The following INPP5F variants were observed in gnomAD, a reference collection of about 807,000 sequenced individuals.
INPP5F encodes inositol polyphosphate-5-phosphatase F.
Under a neutral mutation model 137.2 loss-of-function variants are expected in INPP5F, and 97 were observed. That is an observed-to-expected ratio of 0.71 (90% CI 0.60 to 0.84). The LOEUF (loss-of-function observed/expected upper bound fraction) is 0.84. Ranked by LOEUF, INPP5F falls within the 40% of genes least tolerant of loss-of-function variation. The pLI, the probability that INPP5F is intolerant of heterozygous loss-of-function variation, is 0.00. For missense variants in INPP5F, 1,271 were observed against 1,371.9 expected, an observed-to-expected ratio of 0.93 and a Z score of 1.16; for synonymous variants, 504 against 476.9, an observed-to-expected ratio of 1.06 and a Z score of -0.74.
chr10:119,782,467 G>C (rs1849739966), intron 3 of INPP5F, among the ~76,000 whole-genome samples: 1 of 152,170 alleles, frequency 6.6e-6, no homozygotes. Flanking sequence ...TGATGTGCCA[G>C]GTGGGCCCTG....
At chr10:119,811,674 T>C in intron 14 of INPP5F, 83 bp from the exon 15 acceptor site, 1 of 1,088,792 alleles carries the variant, frequency 9.2e-7, no homozygotes, top group African/African-American at 1.6e-5. Context: ...AGCTTTACAG[T>C]TTTAGGTCTT....
rs1460102039 is a variant in INPP5F, at chr10:119,827,794, G to GT, written c.*14_*15insT. ...ATTCAGATTTAGCTTTTAGCCATAA[G>GT]AATCCTTCCATGGCTTTTATTTAAA... On this transcript the variant is annotated 3_prime_UTR_variant, in exon 20 of 20. Coordinates refer to ENST00000650623, the MANE Select transcript of INPP5F (RefSeq NM_014937.4). 6.5e-7 allele frequency: 1 copy of GT among 1,546,026 alleles called. No homozygotes were observed. The highest frequency in any genetic ancestry group is 1.4e-5 in the African/African-American group (1 of 72,528).
chr10:119,794,660 C>T (rs1772474122), intron 6 of INPP5F, among the ~76,000 whole-genome samples: 1 of 149,768 alleles, frequency 6.7e-6, no homozygotes, highest in East Asian at 2.0e-4. Flanking sequence ...TGACCCCCCA[C>T]CTCCCTCCCG....
intron 1 of INPP5F, among the ~76,000 whole-genome samples, chr10:119,740,272 G>GGGGCA (rs1848336079): frequency 6.6e-6 from 1 of 152,120 alleles, no homozygotes; most frequent in African/African-American, 2.4e-5. Context: ...AGCGGGTGTG[G>GGGGCA]GGGCAGGGCA....
intron 19 of INPP5F, 101 bp from the exon 20 acceptor site, chr10:119,826,530 G>T: frequency 1.0e-6 from 1 of 952,860 alleles, no homozygotes; most frequent in Non-Finnish European, 1.6e-6. Context: ...TTTTCAAGAA[G>T]TTGGGACCAA....
Position 119,826,510 on chromosome 10 carries a change from C to T in INPP5F, c.2250-121C>T, listed in dbSNP as rs1285414792. On this transcript the variant is annotated intron_variant, in intron 19 of 19. Transcript: ENST00000650623. ...ACTCTGAGGGTTATCTGTCAGTTAG[C>T]AATGCACTGTTTTCAAGAAGTTGGG... The T allele has an allele frequency of 6.7e-6, 5 of 741,718 alleles. No homozygotes were observed. In the South Asian group the frequency reaches 7.3e-5, roughly 11 times the overall value. 45.9% of individuals were successfully genotyped at this position (741,718 alleles called of 1,614,324 possible). A position where few individuals can be genotyped will look rare whatever the true frequency, so the allele number is the denominator to read the frequency against.
chr10:119,796,044 G>GCTGGGCATCAGAGGGAGAC (rs1337699203), intron 6 of INPP5F, among the ~76,000 whole-genome samples: 3 of 149,254 alleles, frequency 2.0e-5, no homozygotes, highest in African/African-American at 7.4e-5. Context: ...TCCAGCTTCG[G>GCTGGGCATCAGAGGGAGAC]CTGGGCATCA....
chr10:119,790,004 C>G (rs1174072638), intron 3 of INPP5F, among the ~76,000 whole-genome samples: 1 of 132,050 alleles, frequency 7.6e-6, no homozygotes, highest in African/African-American at 2.9e-5. Context: ...ATTGAGCATG[C>G]TTCAGACAGC....
chr10:119,801,840 T>G, intron 9 of INPP5F, among the ~76,000 whole-genome samples: 1 of 152,162 alleles, frequency 6.6e-6, no homozygotes. Flanking sequence ...AATACTAAGG[T>G]GTGCAAGCAG....
intron 1 of INPP5F, among the ~76,000 whole-genome samples, chr10:119,742,167 A>ATTTATTTG (rs1261837974): frequency 2.7e-5 from 4 of 149,470 alleles, no homozygotes; most frequent in Non-Finnish European, 5.9e-5. Context: ...TTATTTATTT[A>ATTTATTTG]TTTTTTGAGA....
intron 1 of INPP5F, among the ~76,000 whole-genome samples, chr10:119,739,565 C>G (rs1392260062): frequency 6.6e-6 from 1 of 152,142 alleles, no homozygotes; most frequent in Non-Finnish European, 1.5e-5. Flanking sequence ...TAGTGGTAAA[C>G]TGTAAATAGC....
intron 6 of INPP5F, 94 bp downstream of exon 6, chr10:119,792,307 AATTAT>A: frequency 2.3e-6 from 2 of 856,320 alleles, no homozygotes; most frequent in Non-Finnish European, 3.7e-6. Flanking sequence ...AATGTTTTTT[AATTAT>A]ATTAAGATAC....
intron 1 of INPP5F, among the ~76,000 whole-genome samples, chr10:119,739,965 G>A (rs577518943): frequency 6.6e-6 from 1 of 152,208 alleles, no homozygotes; most frequent in African/African-American, 2.4e-5. Context: ...TACATTTATT[G>A]TAACTACACA....
chr10:119,767,249 T>TA (rs1485519660), intron 2 of INPP5F, among the ~76,000 whole-genome samples: 4 of 150,568 alleles, frequency 2.7e-5, no homozygotes, highest in African/African-American at 9.8e-5. Context: ...TTTGTCATCA[T>TA]ACATGGGGCT....
chr10:119,756,540 G>A (rs888381759), intron 2 of INPP5F, among the ~76,000 whole-genome samples: 2 of 151,818 alleles, frequency 1.3e-5, no homozygotes, highest in Admixed American at 1.3e-4. Context: ...GGAGGTTGAG[G>A]CAGGATAATC....
chr10:119,805,630 T>G (rs77711985), intron 11 of INPP5F, among the ~76,000 whole-genome samples, 169 bp downstream of exon 11: 399 of 152,290 alleles, frequency 2.6e-3, no homozygotes, highest in African/African-American at 8.9e-3. Flanking sequence ...GCAGGTGGTG[T>G]TAGCTTTGAA....
In INPP5F at chr10:119,818,529, T is replaced by C. The variant is rs920892043; in HGVS notation, c.1887-2317T>C. ...GACGAAGGCGAAGGCGCCAGCGAACTCTCGCGGGAGTGGCCACCCTGGCGC... is the reference window on the plus strand; with the variant it reads ...GACGAAGGCGAAGGCGCCAGCGAACCCTCGCGGGAGTGGCCACCCTGGCGC... On this transcript the variant is annotated intron_variant, in intron 15 of 19. Transcript: ENST00000650623. Among the ~76,000 whole-genome samples the C allele has an allele frequency of 1.8e-4, 28 of 152,324 alleles. 1 individual carries two copies. Among genetic ancestry groups the C allele is most frequent in the Admixed American group, 1.8e-3 (27 of 15,308 alleles).
intron 1 of INPP5F, among the ~76,000 whole-genome samples, chr10:119,729,744 ATT>A (rs34359657): frequency 2.2e-4 from 28 of 128,188 alleles, no homozygotes; most frequent in East Asian, 4.5e-4. Context: ...CACCTGGCTA[ATT>A]TTTTTTTTTT....
Position 119,726,689 on chromosome 10 carries a change from C to T in INPP5F, c.97+330C>T, listed in dbSNP as rs897384229. On this transcript the variant is annotated intron_variant, in intron 1 of 19. Coordinates refer to ENST00000650623, the MANE Select transcript of INPP5F (RefSeq NM_014937.4). ...GGCAGAAAGTTCCAGCAAGGTGCAC[C>T]TGGCCGTAAAGGCCTCTTCCTCCTT... Among the ~76,000 whole-genome samples, 4 of 152,248 alleles carry T rather than the reference C, an allele frequency of 2.6e-5. 1 individual carries two copies. Among genetic ancestry groups the T allele is most frequent in the African/African-American group, 9.6e-5 (4 of 41,468 alleles).
Sources: gnomAD v4.1 joint callset for allele counts (sites outside exome capture counted in the v4.1 genomes callset) on GRCh38, gnomAD v4.1.1 for gene constraint, MANE v1.5 for transcripts, NCBI Gene and HGNC (gene_info 2026-07-23, HGNC 2026-07-21) for gene names.